The following ZNF385D variants were observed in gnomAD, a reference collection of about 807,000 sequenced individuals.
ZNF385D encodes zinc finger protein 385D, also known as zinc finger protein 659.
In ZNF385D, 15 loss-of-function variants were observed where a neutral mutation model predicts 35.8. The observed-to-expected ratio is 0.42, with a 90% CI of 0.28 to 0.64. ZNF385D has a LOEUF of 0.64. Among genes scored for constraint, ZNF385D ranks in the 30% least tolerant of loss-of-function variants. ZNF385D has a pLI of 0.23. For synonymous variants in ZNF385D, 212 were observed against 186.8 expected (o/e 1.13, Z -1.10); for missense variants, 474 against 494.6 (o/e 0.96, Z 0.39).
intron 3 of ZNF385D, among the ~76,000 whole-genome samples, chr3:22,001,197 G>C (rs1360863036): frequency 1.3e-5 from 2 of 152,012 alleles, no homozygotes; most frequent in Non-Finnish European, 2.9e-5. Flanking sequence ...AAAAGATATA[G>C]ATTAGCTGAA....
intron 2 of ZNF385D, among the ~76,000 whole-genome samples, chr3:22,344,611 G>A (rs924124293): frequency 2.0e-5 from 3 of 151,904 alleles, no homozygotes; most frequent in African/African-American, 7.3e-5. Flanking sequence ...TTGTAGAGAA[G>A]GGGTTTTGCC....
At chr3:22,228,381 C>G (rs1481452121) in intron 2 of ZNF385D, among the ~76,000 whole-genome samples, 1 of 152,114 alleles carries the variant, frequency 6.6e-6, no homozygotes, top group East Asian at 1.9e-4. Context: ...ACCCCCCATG[C>G]AGCAGCCAAG....
rs537812479 is a variant in ZNF385D, at chr3:21,812,513, C to T, written c.326-147485G>A. Among the ~76,000 whole-genome samples, 5 of 152,360 alleles carry T rather than the reference C, an allele frequency of 3.3e-5. No individual in the cohort carries two copies. In the East Asian group the frequency reaches 7.7e-4, roughly 24 times the overall value. On this transcript the variant is annotated intron_variant, in intron 3 of 5. Coordinates refer to the ZNF385D transcript ENST00000494108. Reference sequence around the variant, plus strand: ...CTCCCACCCTAGTACTGCGCTTTTCCAACAGTCTTAGCAAATGGCACACCA... The same window carrying T: ...CTCCCACCCTAGTACTGCGCTTTTCTAACAGTCTTAGCAAATGGCACACCA...
chr3:21,417,013 A>C lies in ZNF385D; in HGVS notation c.*4201T>G, dbSNP rs1282667605. 6.6e-6 allele frequency: 1 copy of C among 152,116 alleles called. No homozygotes were observed. Among genetic ancestry groups the C allele is most frequent in the Non-Finnish European group, 1.5e-5 (1 of 67,990 alleles). 9.4% of individuals were successfully genotyped at this position (152,116 alleles called of 1,614,324 possible). A position where few individuals can be genotyped will look rare whatever the true frequency, so the allele number is the denominator to read the frequency against. ...CTTACATGATGTTGGCATAAGTGCG[A>C]TCATAATAAGTGAGTACTAAGTGAA... On this transcript the variant is annotated 3_prime_UTR_variant, in exon 8 of 8. Transcript: ENST00000281523.
Position 21,424,071 on chromosome 3 carries a change from A to G in ZNF385D, c.853-7T>C, listed in dbSNP as rs1248193250. On this transcript the variant is annotated splice_polypyrimidine_tract_variant and splice_region_variant and intron_variant, in intron 6 of 7. Transcript: ENST00000281523. ...GCCTTCTACTGCTAATGTGCTATTA[A>G]AAGTAATTTAAAATGACAGCTTTAA... 1.9e-6 allele frequency: 3 copies of G among 1,556,748 alleles called. No individual in the cohort carries two copies. Among genetic ancestry groups the G allele is most frequent in the Non-Finnish European group, 2.6e-6 (3 of 1,159,374 alleles).
intron 3 of ZNF385D, among the ~76,000 whole-genome samples, chr3:22,149,505 C>T (rs528708920): frequency 6.6e-6 from 1 of 152,264 alleles, no homozygotes; most frequent in Non-Finnish European, 1.5e-5. Context: ...TTGGCCTACT[C>T]CTAGAGTTTC....
chr3:22,179,437 G>C (rs971712768), intron 2 of ZNF385D, among the ~76,000 whole-genome samples: 1 of 152,252 alleles, frequency 6.6e-6, no homozygotes, highest in Non-Finnish European at 1.5e-5. Context: ...CACTGATTTT[G>C]TATCCTGAGA....
chr3:21,844,065 A>G (rs1559682225), intron 3 of ZNF385D, among the ~76,000 whole-genome samples: 1 of 151,978 alleles, frequency 6.6e-6, no homozygotes, highest in Non-Finnish European at 1.5e-5. Context: ...TACAAGGATG[A>G]TATCTGGCAG....
At chr3:21,714,586 C>T (rs1156881281) in intron 1 of ZNF385D, among the ~76,000 whole-genome samples, 1 of 152,200 alleles carries the variant, frequency 6.6e-6, no homozygotes, top group East Asian at 1.9e-4. Context: ...CTCTTCTACT[C>T]CTCTCTTTCT....
rs559948046 is a variant in ZNF385D, at chr3:22,184,062, G to A, written c.107-15027C>T. Among the ~76,000 whole-genome samples the A allele has an allele frequency of 8.4e-4, 128 of 152,206 alleles. 1 individual carries two copies. The highest frequency in any genetic ancestry group is 2.8e-3 in the African/African-American group (118 of 41,544). The stretch of plus-strand genomic sequence containing the variant: ...TGGTGAATTCAAAGATCACTTTTAG[G>A]AGTTCTGATCATTAATTTACTTACA... On this transcript the variant is annotated intron_variant, in intron 2 of 5. Transcript: ENST00000494108.
At chr3:22,178,072 T>C (rs1576451177) in intron 2 of ZNF385D, among the ~76,000 whole-genome samples, 1 of 152,226 alleles carries the variant, frequency 6.6e-6, no homozygotes, top group South Asian at 2.1e-4. Context: ...TATAGCAGCA[T>C]GATATATAAT....
At chr3:21,943,058 T>C (rs1445100584) in intron 3 of ZNF385D, among the ~76,000 whole-genome samples, 1 of 152,060 alleles carries the variant, frequency 6.6e-6, no homozygotes, top group African/African-American at 2.4e-5. Context: ...AAATAAAAAC[T>C]GTATCAGAAA....
At chr3:21,581,641 G>A (rs1467914077) in intron 2 of ZNF385D, among the ~76,000 whole-genome samples, 1 of 152,172 alleles carries the variant, frequency 6.6e-6, no homozygotes, top group Non-Finnish European at 1.5e-5. Flanking sequence ...CTTGGTTGAA[G>A]CCACATTGTT....
At chr3:21,573,771 A>G (rs1334609332) in intron 2 of ZNF385D, among the ~76,000 whole-genome samples, 3 of 152,160 alleles carry the variant, frequency 2.0e-5, no homozygotes, top group African/African-American at 4.8e-5. Context: ...CTCTTAAAGA[A>G]ATAATGGGCT....
At chr3:21,503,588 C>T (rs745884164) in intron 4 of ZNF385D, among the ~76,000 whole-genome samples, 4 of 152,018 alleles carry the variant, frequency 2.6e-5, no homozygotes, top group Non-Finnish European at 5.9e-5. Context: ...AAATGTGCAC[C>T]TAGATTTGTC....
chr3:22,371,612 T>C (rs1696908829), intron 2 of ZNF385D, among the ~76,000 whole-genome samples: 1 of 152,156 alleles, frequency 6.6e-6, no homozygotes, highest in Non-Finnish European at 1.5e-5. Context: ...TGACACCATT[T>C]TGGAGGCTGC....
intron 3 of ZNF385D, among the ~76,000 whole-genome samples, chr3:22,165,063 A>T (rs762832718): frequency 1.4e-4 from 21 of 152,316 alleles, no homozygotes; most frequent in Non-Finnish European, 2.6e-4. Flanking sequence ...ACTATTCTGT[A>T]TGATGTTGTG....
chr3:21,503,912 C>G (rs1706582116), intron 4 of ZNF385D, among the ~76,000 whole-genome samples: 1 of 152,096 alleles, frequency 6.6e-6, no homozygotes, highest in South Asian at 2.1e-4. Context: ...AAGTATTTTA[C>G]TTTTGGTACC....
At chr3:21,716,527 G>C (rs1346299672) in intron 1 of ZNF385D, among the ~76,000 whole-genome samples, 2 of 152,032 alleles carry the variant, frequency 1.3e-5, no homozygotes, top group Non-Finnish European at 2.9e-5. Flanking sequence ...CTTCCACAAT[G>C]ACTATGAATA....
Sources: allele counts gnomAD v4.1 joint callset (sites outside exome capture counted in the v4.1 genomes callset), GRCh38; gene constraint gnomAD v4.1.1; transcripts MANE v1.5; gene names NCBI Gene and HGNC (gene_info 2026-07-23, HGNC 2026-07-21).